The following MGMT variants were observed in gnomAD, a reference collection of about 807,000 sequenced individuals.
MGMT encodes the protein methylated-DNA--protein-cysteine methyltransferase.
A neutral mutation model predicts 15.9 loss-of-function variants in MGMT; 14 were observed. The observed-to-expected ratio is 0.88, with a 90% CI of 0.58 to 1.37. The LOEUF (loss-of-function observed/expected upper bound fraction) is 1.37. Among genes scored for constraint, MGMT ranks in the 40% most tolerant of loss-of-function variants. The pLI is 0.00. For missense variants in MGMT, 282 were observed against 268.1 expected, an observed-to-expected ratio of 1.05 and a Z score of -0.36; for synonymous variants, 130 against 118.2, an observed-to-expected ratio of 1.10 and a Z score of -0.65.
intron 3 of MGMT, among the ~76,000 whole-genome samples, chr10:129,748,717 A>G (rs1007208759): frequency 4.6e-5 from 7 of 152,148 alleles, no homozygotes; most frequent in African/African-American, 9.7e-5. Flanking sequence ...ATCTGTGTCT[A>G]TATTAAGCTA....
chr10:129,618,194 A>G (rs1214448094), intron 2 of MGMT, among the ~76,000 whole-genome samples: 1 of 152,108 alleles, frequency 6.6e-6, no homozygotes, highest in Non-Finnish European at 1.5e-5. Flanking sequence ...CTTTTTTTAA[A>G]AAGGATTTTC....
intron 2 of MGMT, among the ~76,000 whole-genome samples, chr10:129,595,590 T>G (rs1338292288): frequency 6.6e-6 from 1 of 152,088 alleles, no homozygotes; most frequent in East Asian, 1.9e-4. Context: ...GTTGACTGGA[T>G]GCGTTTATGT....
intron 2 of MGMT, among the ~76,000 whole-genome samples, chr10:129,691,237 T>C (rs1413009402): frequency 6.6e-6 from 1 of 152,322 alleles, no homozygotes; most frequent in East Asian, 1.9e-4. Flanking sequence ...GGAGCCCCAG[T>C]GTGGCACAGC....
At chr10:129,734,040 C>T (rs994481150) in intron 3 of MGMT, among the ~76,000 whole-genome samples, 8 of 151,452 alleles carry the variant, frequency 5.3e-5, no homozygotes, top group East Asian at 1.9e-4. Context: ...CTTGGCGATG[C>T]GGGCTCTTTT....
chr10:129,610,861 C>T (rs1846951436), intron 2 of MGMT, among the ~76,000 whole-genome samples: 2 of 152,206 alleles, frequency 1.3e-5, no homozygotes, highest in Admixed American at 1.3e-4. Flanking sequence ...GAGCCTATCT[C>T]TGTTTGGCCC....
intron 2 of MGMT, chr10:129,536,879 C>T (rs41548018): frequency 0.048 from 7,359 of 152,196 alleles, 262 homozygotes; most frequent in African/African-American, 0.083. Flanking sequence ...TTTTGAGAGC[C>T]GTGGTCAGAC....
intron 1 of MGMT, among the ~76,000 whole-genome samples, chr10:129,483,683 G>C (rs79808345): frequency 0.023 from 3,498 of 151,698 alleles, 93 homozygotes; most frequent in African/African-American, 0.065. Context: ...TGGCCACTAA[G>C]GTTTTCTCTT....
intron 2 of MGMT, among the ~76,000 whole-genome samples, chr10:129,646,789 G>C (rs1249785573): frequency 7.5e-6 from 1 of 133,592 alleles, no homozygotes; most frequent in Non-Finnish European, 1.6e-5. Flanking sequence ...TGGAGAAGTA[G>C]ATGCTTGTCA....
intron 2 of MGMT, among the ~76,000 whole-genome samples, chr10:129,704,038 CG>C (rs1404065139): frequency 6.6e-6 from 1 of 152,116 alleles, no homozygotes; most frequent in African/African-American, 2.4e-5. Flanking sequence ...TCTGTTCGGC[CG>C]CCTTCCCCAG....
intron 2 of MGMT, among the ~76,000 whole-genome samples, chr10:129,572,477 T>A (rs1394013717): frequency 2.0e-5 from 3 of 152,226 alleles, no homozygotes; most frequent in Non-Finnish European, 4.4e-5. Flanking sequence ...TACTTAGACG[T>A]CCTCAGAGTG....
At chr10:129,607,418 A>G (rs902843382) in intron 2 of MGMT, among the ~76,000 whole-genome samples, 2 of 152,198 alleles carry the variant, frequency 1.3e-5, no homozygotes, top group Non-Finnish European at 2.9e-5. Context: ...GTCTAGGCCA[A>G]TTGACTCTGT....
At chr10:129,558,132 G>A (rs1322926781) in intron 2 of MGMT, among the ~76,000 whole-genome samples, 2 of 152,152 alleles carry the variant, frequency 1.3e-5, no homozygotes, top group Non-Finnish European at 2.9e-5. Context: ...GGTGTGGATG[G>A]GGTCGGGGTA....
At chr10:129,753,716 G>A (rs770689897) in intron 3 of MGMT, among the ~76,000 whole-genome samples, 2 of 152,044 alleles carry the variant, frequency 1.3e-5, no homozygotes, top group Non-Finnish European at 2.9e-5. Context: ...GTCTTCCCTT[G>A]CAGCATTTTT....
chr10:129,627,817 A>G (rs1340584273), intron 2 of MGMT, among the ~76,000 whole-genome samples: 1 of 152,232 alleles, frequency 6.6e-6, no homozygotes, highest in Non-Finnish European at 1.5e-5. Context: ...AGAAAAATAC[A>G]AAAATAATTT....
intron 2 of MGMT, among the ~76,000 whole-genome samples, chr10:129,648,250 A>G (rs951482389): frequency 2.0e-5 from 3 of 152,294 alleles, no homozygotes; most frequent in African/African-American, 4.8e-5. Flanking sequence ...TTTGACCTCA[A>G]TATTCTCACA....
chr10:129,755,777 GGT>G (rs367568137), intron 3 of MGMT, among the ~76,000 whole-genome samples: 1 of 152,250 alleles, frequency 6.6e-6, no homozygotes, highest in African/African-American at 2.4e-5. Context: ...TGGACGCACA[GGT>G]GTGTTTGCTG....
At chr10:129,618,361 A>G (rs1847052278) in intron 2 of MGMT, among the ~76,000 whole-genome samples, 1 of 151,608 alleles carries the variant, frequency 6.6e-6, no homozygotes, top group Non-Finnish European at 1.5e-5. Context: ...TGTTCTATCC[A>G]TTTTTCTGCT....
intron 2 of MGMT, among the ~76,000 whole-genome samples, chr10:129,557,604 C>G (rs1418022764): frequency 6.6e-6 from 1 of 152,098 alleles, no homozygotes; most frequent in Non-Finnish European, 1.5e-5. Flanking sequence ...TTAGATAATG[C>G]AGAAATCTCT....
At chr10:129,736,631 T>C (rs1200317433) in intron 3 of MGMT, among the ~76,000 whole-genome samples, 1 of 152,192 alleles carries the variant, frequency 6.6e-6, no homozygotes, top group African/African-American at 2.4e-5. Context: ...TTTTGCTCGT[T>C]AGTTGATGCA....
Sources: gnomAD v4.1 joint callset for allele counts (sites outside exome capture counted in the v4.1 genomes callset) on GRCh38, gnomAD v4.1.1 for gene constraint, MANE v1.5 for transcripts, NCBI Gene and HGNC (gene_info 2026-07-23, HGNC 2026-07-21) for gene names.